TNRC6B: variants seen among roughly 807,000 people sequenced by gnomAD.
The protein encoded by TNRC6B is trinucleotide repeat containing adaptor 6B.
In TNRC6B, 52 loss-of-function variants were observed where a neutral mutation model predicts 203.6. The observed-to-expected ratio is 0.26, with a 90% CI of 0.20 to 0.32. The LOEUF is 0.32. Among genes scored for constraint, TNRC6B ranks in the 10% least tolerant of loss-of-function variants. TNRC6B has a pLI of 1.00. For synonymous variants in TNRC6B, 838 were observed against 845.7 expected (o/e 0.99, Z 0.16); for missense variants, 1,923 against 2,286.2 (o/e 0.84, Z 3.24).
At chr22:40,088,584 T>TTTTG (rs762534815) in intron 1 of TNRC6B, among the ~76,000 whole-genome samples, 3 of 125,230 alleles carry the variant, frequency 2.4e-5, no homozygotes, top group East Asian at 2.4e-4. Context: ...GCGGCTACTT[T>TTTTG]TGTGTGTGTG....
intron 1 of TNRC6B, among the ~76,000 whole-genome samples, chr22:40,223,475 T>C (rs368085201): frequency 2.6e-5 from 4 of 152,290 alleles, no homozygotes; most frequent in East Asian, 1.9e-4. Flanking sequence ...TCTGTTCACA[T>C]ATAAAAAATT....
intron 1 of TNRC6B, among the ~76,000 whole-genome samples, chr22:40,232,740 CA>C (rs2146452185): frequency 6.6e-6 from 1 of 152,310 alleles, no homozygotes; most frequent in Admixed American, 6.5e-5. Flanking sequence ...TGGCTGGGTG[CA>C]GTGGTGCACG....
chr22:40,319,715 C>T (rs566174121), intron 21 of TNRC6B, among the ~76,000 whole-genome samples: 1 of 152,256 alleles, frequency 6.6e-6, no homozygotes, highest in Admixed American at 6.5e-5. Context: ...TGAGCCACCG[C>T]ACCTGGCAAC....
At chr22:40,289,296 GAGGA>G (rs2070836288) in intron 12 of TNRC6B, among the ~76,000 whole-genome samples, 1 of 151,958 alleles carries the variant, frequency 6.6e-6, no homozygotes, top group South Asian at 2.1e-4. Context: ...AAGAAAAAAA[GAGGA>G]AGGGAGGGAG....
intron 1 of TNRC6B, among the ~76,000 whole-genome samples, chr22:40,226,573 A>G (rs1236843589): frequency 6.6e-5 from 10 of 152,202 alleles, no homozygotes; most frequent in Admixed American, 4.6e-4. Context: ...AAGGTGTGCA[A>G]AAATCACCTT....
upstream of TNRC6B, among the ~76,000 whole-genome samples, chr22:40,176,687 C>T (rs1298943078): frequency 6.6e-6 from 1 of 152,186 alleles, no homozygotes; most frequent in Non-Finnish European, 1.5e-5. Context: ...ATACAGTTTA[C>T]AGTCTCCTGG....
intron 1 of TNRC6B, among the ~76,000 whole-genome samples, chr22:40,199,144 T>C (rs750189581): frequency 6.6e-6 from 1 of 152,112 alleles, no homozygotes; most frequent in Non-Finnish European, 1.5e-5. Context: ...TAAGAAGTGA[T>C]AGTCATGGAT....
chr22:40,256,710 A>C (rs553982654), intron 3 of TNRC6B, among the ~76,000 whole-genome samples: 1 of 152,316 alleles, frequency 6.6e-6, no homozygotes, highest in Non-Finnish European at 1.5e-5. Context: ...AATATTTACT[A>C]TCTGGCCCTT....
intron 1 of TNRC6B, among the ~76,000 whole-genome samples, chr22:40,071,399 T>C (rs2067946599): frequency 6.6e-6 from 1 of 152,192 alleles, no homozygotes; most frequent in African/African-American, 2.4e-5. Flanking sequence ...ATCTATCCTA[T>C]CTCAAATAGA....
At chr22:40,074,790 T>A (rs1323256668) in intron 1 of TNRC6B, among the ~76,000 whole-genome samples, 4 of 146,078 alleles carry the variant, frequency 2.7e-5, no homozygotes, top group African/African-American at 1.1e-4. Flanking sequence ...AAAAAAAAAA[T>A]AAAATAAAAT....
At chr22:40,047,475 C>T (rs1301489318) in intron 1 of TNRC6B, among the ~76,000 whole-genome samples, 4 of 151,878 alleles carry the variant, frequency 2.6e-5, no homozygotes, top group Non-Finnish European at 5.9e-5. Context: ...TGGTGGTGGG[C>T]GCCTGTAATC....
intron 1 of TNRC6B, among the ~76,000 whole-genome samples, chr22:40,182,244 CA>C (rs902896591): frequency 1.5e-4 from 21 of 135,810 alleles, no homozygotes; most frequent in African/African-American, 4.1e-4. Context: ...GACTCCGTCT[CA>C]AAAAAAAAAG....
At chr22:40,195,029 G>A (rs189860737) in intron 1 of TNRC6B, among the ~76,000 whole-genome samples, 2 of 152,266 alleles carry the variant, frequency 1.3e-5, no homozygotes, top group Non-Finnish European at 2.9e-5. Flanking sequence ...TTTTGGAAGC[G>A]CAGAGGCTTT....
chr22:40,229,262 C>T (rs1356891301), intron 1 of TNRC6B, among the ~76,000 whole-genome samples: 1 of 152,210 alleles, frequency 6.6e-6, no homozygotes, highest in East Asian at 1.9e-4. Flanking sequence ...AAAAATGAAA[C>T]CTGGCACCCA....
At chr22:40,205,436 T>G (rs1324058516) in intron 1 of TNRC6B, among the ~76,000 whole-genome samples, 1 of 152,208 alleles carries the variant, frequency 6.6e-6, no homozygotes, top group Non-Finnish European at 1.5e-5. Flanking sequence ...AGAATTTAGA[T>G]ATATATTAAT....
chr22:40,322,799 G>T (rs41281261), intron 22 of TNRC6B, 55 bp from the exon 23 acceptor site: 29 of 1,604,998 alleles, frequency 1.8e-5, no homozygotes, highest in Admixed American at 6.7e-5. Flanking sequence ...CGCTCCCTCC[G>T]TATGCTTTAG....
intron 11 of TNRC6B, 29 bp downstream of exon 11, chr22:40,281,318 C>T (rs1167616698): frequency 6.6e-7 from 1 of 1,518,606 alleles, no homozygotes; most frequent in Non-Finnish European, 8.9e-7. Flanking sequence ...TTTATAACTG[C>T]TTGGCTATGG....
intron 1 of TNRC6B, among the ~76,000 whole-genome samples, chr22:40,242,040 G>A (rs1035622031): frequency 4.6e-5 from 7 of 152,120 alleles, no homozygotes; most frequent in Non-Finnish European, 8.8e-5. Flanking sequence ...GCTACCCCCA[G>A]AATTAGCTCT....
rs541920232 is a variant in TNRC6B, at chr22:40,186,245, A to G, written c.5+8105A>G. Among the ~76,000 whole-genome samples, 21 of 152,240 alleles carry G rather than the reference A, an allele frequency of 1.4e-4. No homozygotes were observed. In the East Asian group the frequency reaches 3.9e-3, roughly 28 times the overall value. On this transcript the variant is annotated intron_variant, in intron 1 of 22. Coordinates refer to ENST00000454349, the MANE Select transcript of TNRC6B (RefSeq NM_001162501.2). ...ATTCCTCATCACAGAAGATGAGGGA[A>G]GAACTGTTCGATCACAGGTGTGGGC...
Sources: gnomAD v4.1 joint callset for allele counts (sites outside exome capture counted in the v4.1 genomes callset) on GRCh38, gnomAD v4.1.1 for gene constraint, MANE v1.5 for transcripts, NCBI Gene and HGNC (gene_info 2026-07-23, HGNC 2026-07-21) for gene names.